DLGAP2: variants seen among roughly 807,000 people sequenced by gnomAD.
DLGAP2 encodes the protein DLG associated protein 2.
Under a neutral mutation model 100.3 loss-of-function variants are expected in DLGAP2, and 26 were observed. The observed-to-expected ratio is 0.26, with a 90% CI of 0.19 to 0.36. The LOEUF (loss-of-function observed/expected upper bound fraction) is 0.36, where lower values mean the gene tolerates loss of function less well. Ranked by LOEUF, DLGAP2 falls within the 10% of genes least tolerant of loss-of-function variation. The pLI, the probability that DLGAP2 is intolerant of heterozygous loss-of-function variation, is 1.00. For synonymous variants in DLGAP2, 886 were observed against 630.1 expected (o/e 1.41, Z -6.08); for missense variants, 1,858 against 1,453.2 (o/e 1.28, Z -4.53).
chr8:1,091,214 G>T (rs758367373), intron 2 of DLGAP2, among the ~76,000 whole-genome samples: 11 of 152,224 alleles, frequency 7.2e-5, no homozygotes, highest in Non-Finnish European at 1.2e-4. Flanking sequence ...TGAAGTACTG[G>T]AAGCACCCGG....
chr8:1,283,636 T>C (rs1799866108), intron 3 of DLGAP2, among the ~76,000 whole-genome samples: 1 of 152,224 alleles, frequency 6.6e-6, no homozygotes, highest in East Asian at 1.9e-4. Flanking sequence ...GAATTTTCAT[T>C]GAATATTCAG....
intron 2 of DLGAP2, among the ~76,000 whole-genome samples, chr8:1,239,105 GCGC>G (rs1798728322): frequency 2.8e-4 from 1 of 3,530 alleles, no homozygotes. Context: ...CTCTAACATG[GCGC>G]CATGTTTAGT....
In DLGAP2 at chr8:1,533,192, A is replaced by T. The variant is rs543648783; in HGVS notation, c.173-15434A>T. On this transcript the variant is annotated intron_variant, in intron 4 of 14. Transcript: ENST00000637795. ...TCCATATTGATGTTGCCTATTTATC[A>T]TTTGATTTTTAGAATATGTTTTTCA... is the stretch of plus-strand genomic sequence containing the variant. Among the ~76,000 whole-genome samples, 228 of 152,096 alleles carry T rather than the reference A, an allele frequency of 1.5e-3. 5 individuals carry two copies. The South Asian group carries it at 0.02, about 13-fold the overall frequency.
intron 3 of DLGAP2, among the ~76,000 whole-genome samples, chr8:1,472,853 T>C (rs761483389): frequency 5.3e-5 from 8 of 152,230 alleles, no homozygotes; most frequent in Non-Finnish European, 1.0e-4. Flanking sequence ...AAGTTAAGCA[T>C]ATACTTTTCA....
chr8:1,373,237 C>G (rs1034736836), intron 3 of DLGAP2, among the ~76,000 whole-genome samples: 7 of 149,292 alleles, frequency 4.7e-5, no homozygotes, highest in African/African-American at 1.8e-4. Context: ...TGGAGAAAGC[C>G]ACGCCCCTCG....
At chr8:1,288,436 T>C (rs1799988110) in intron 3 of DLGAP2, among the ~76,000 whole-genome samples, 2 of 148,670 alleles carry the variant, frequency 1.3e-5, no homozygotes, top group African/African-American at 5.0e-5. Flanking sequence ...GTTCAGTGTG[T>C]GTGTGTGTGT....
chr8:756,205 TG>T (rs911227316), intron 1 of DLGAP2, among the ~76,000 whole-genome samples: 5 of 152,048 alleles, frequency 3.3e-5, no homozygotes, highest in Admixed American at 2.6e-4. Flanking sequence ...AGCTGGCGTC[TG>T]GGGGGGATAC....
intron 3 of DLGAP2, among the ~76,000 whole-genome samples, chr8:1,304,501 A>T (rs1022237920): frequency 1.3e-5 from 2 of 152,254 alleles, no homozygotes; most frequent in Non-Finnish European, 2.9e-5. Flanking sequence ...GATGTAAGGA[A>T]AACGGCTTCA....
intron 3 of DLGAP2, among the ~76,000 whole-genome samples, chr8:1,493,414 C>G (rs980310588): frequency 3.3e-5 from 5 of 152,020 alleles, no homozygotes; most frequent in African/African-American, 1.2e-4. Flanking sequence ...GCGCATAGAC[C>G]GCTGCCTCCA....
At chr8:1,215,026 T>C (rs1478571481) in intron 2 of DLGAP2, among the ~76,000 whole-genome samples, 1 of 152,070 alleles carries the variant, frequency 6.6e-6, no homozygotes, top group Non-Finnish European at 1.5e-5. Context: ...TGTGTCTAAG[T>C]CTCATGGAAA....
rs147216194 is a variant in DLGAP2, at chr8:854,593, A to G, written c.19-53319A>G. Among the ~76,000 whole-genome samples, 306 of 152,138 alleles carry G rather than the reference A, an allele frequency of 2.0e-3. 1 individual carries two copies. Among genetic ancestry groups the G allele is most frequent in the Middle Eastern group, 3.4e-3 (1 of 292 alleles). On this transcript the variant is annotated intron_variant, in intron 1 of 14. Transcript: ENST00000637795. ...GCATATGTTTGTGTGTTCATGTTGT[A>G]TGTGCATGCATGTGTGTGCATGTTC...
At chr8:800,589 C>G (rs1041471404) in intron 1 of DLGAP2, among the ~76,000 whole-genome samples, 1 of 152,142 alleles carries the variant, frequency 6.6e-6, no homozygotes, top group African/African-American at 2.4e-5. Flanking sequence ...AGTGGAGAAC[C>G]TTGTGCACCT....
chr8:770,100 T>G (rs1201061886), intron 1 of DLGAP2, among the ~76,000 whole-genome samples: 1 of 152,212 alleles, frequency 6.6e-6, no homozygotes, highest in Admixed American at 6.5e-5. Context: ...TAGATGATCT[T>G]ATCACAGGTT....
At chr8:1,304,978 A>T (rs929311364) in intron 3 of DLGAP2, among the ~76,000 whole-genome samples, 1 of 152,224 alleles carries the variant, frequency 6.6e-6, no homozygotes, top group African/African-American at 2.4e-5. Context: ...TACGAGTTGG[A>T]CAAATACTGC....
rs1480276127 is a variant in DLGAP2, at chr8:1,707,982, C to T, written c.*6576C>T. The T allele has an allele frequency of 6.6e-6, 1 of 152,594 alleles. No individual in the cohort carries two copies. Among genetic ancestry groups the T allele is most frequent in the African/African-American group, 2.4e-5 (1 of 41,452 alleles). The allele number at this position is 152,594 out of a possible 1,614,324, so 9.5% of individuals were successfully genotyped here. The stretch of plus-strand genomic sequence containing the variant: ...TCTGAATGTGCAATATGCTATTCAT[C>T]ACCACGACAATTTCTTACTTCCTCT... On this transcript the variant is annotated 3_prime_UTR_variant, in exon 15 of 15. Transcript: ENST00000637795.
At chr8:920,980 G>A (rs768182939) in intron 2 of DLGAP2, among the ~76,000 whole-genome samples, 6 of 151,854 alleles carry the variant, frequency 4.0e-5, no homozygotes, top group South Asian at 2.1e-4. Flanking sequence ...TTCATTCCCC[G>A]GGTGCTCTTG....
At chr8:1,479,002 T>A (rs973833202) in intron 3 of DLGAP2, among the ~76,000 whole-genome samples, 2 of 152,238 alleles carry the variant, frequency 1.3e-5, no homozygotes, top group African/African-American at 4.8e-5. Context: ...TGTTAATTTA[T>A]TAGCATTTCA....
chr8:1,443,732 A>G (rs144817513), intron 3 of DLGAP2, among the ~76,000 whole-genome samples: 1 of 152,222 alleles, frequency 6.6e-6, no homozygotes, highest in Non-Finnish European at 1.5e-5. Context: ...ACTTACTACC[A>G]TGAGAAGAGT....
chr8:1,030,506 T>C (rs988724039), intron 2 of DLGAP2, among the ~76,000 whole-genome samples: 3 of 152,214 alleles, frequency 2.0e-5, no homozygotes, highest in African/African-American at 4.8e-5. Flanking sequence ...GTAATGTGTA[T>C]TTTATTATTG....
Sources: allele counts gnomAD v4.1 joint callset (sites outside exome capture counted in the v4.1 genomes callset), GRCh38; gene constraint gnomAD v4.1.1; transcripts MANE v1.5; gene names NCBI Gene and HGNC (gene_info 2026-07-23, HGNC 2026-07-21).